NFYC: variants seen among roughly 807,000 people sequenced by gnomAD.
NFYC encodes the protein nuclear transcription factor Y subunit gamma, also known as CAAT box DNA-binding protein subunit C.
NFYC carries 25 observed loss-of-function variants against 53.1 expected under a neutral mutation model. The ratio of observed to expected loss-of-function variants is 0.47; its 90% confidence interval spans 0.34 to 0.66. The LOEUF (loss-of-function observed/expected upper bound fraction) is 0.66, where lower values mean the gene tolerates loss of function less well. NFYC is among the 30% of genes least tolerant of loss of function. NFYC has a pLI of 0.01. For synonymous variants in NFYC, 145 were observed against 152.6 expected (o/e 0.95, Z 0.37); for missense variants, 260 against 422.7 (o/e 0.62, Z 3.38).
intron 1 of NFYC, among the ~76,000 whole-genome samples, chr1:40,715,680 A>G (rs566033352): frequency 6.8e-6 from 1 of 147,230 alleles, no homozygotes; most frequent in Non-Finnish European, 1.5e-5. Flanking sequence ...CCGCTGTTCA[A>G]TAATTGACCA....
At chr1:40,764,574 C>G (rs1416227195) in intron 7 of NFYC, among the ~76,000 whole-genome samples, 2 of 152,200 alleles carry the variant, frequency 1.3e-5, no homozygotes, top group African/African-American at 4.8e-5. Context: ...TACTTTAACT[C>G]TCTGGGGCAC....
intron 7 of NFYC, among the ~76,000 whole-genome samples, chr1:40,763,850 C>G (rs1405913992): frequency 1.3e-5 from 2 of 152,192 alleles, no homozygotes; most frequent in Non-Finnish European, 2.9e-5. Flanking sequence ...ACTACCCATG[C>G]CAAGGCCCAA....
At chr1:40,744,171 G>A (rs1330531564) in intron 2 of NFYC, among the ~76,000 whole-genome samples, 1 of 152,172 alleles carries the variant, frequency 6.6e-6, no homozygotes, top group East Asian at 1.9e-4. Flanking sequence ...TCAAAGGAAT[G>A]TGAACCCTAT....
rs557137471 is a variant in NFYC, at chr1:40,691,920, G to T, written c.-9+53G>T. ...CGAGGGTGATAGGGAAGCGGCGGCG[G>T]GGGGAGGGGCAGCGCTTCCCGCCTT... On this transcript the variant is annotated intron_variant, in intron 1 of 9. Coordinates refer to ENST00000447388, the MANE Select transcript of NFYC (RefSeq NM_014223.5). The T allele has an allele frequency of 4.0e-3, 1,362 of 343,524 alleles. 10 individuals carry two copies. The highest frequency in any genetic ancestry group is 0.021 in the African/African-American group (936 of 44,574). 21.3% of individuals were successfully genotyped at this position (343,524 alleles called of 1,614,324 possible).
At chr1:40,711,766 T>A (rs1318825248) in intron 1 of NFYC, among the ~76,000 whole-genome samples, 1 of 152,194 alleles carries the variant, frequency 6.6e-6, no homozygotes, top group Non-Finnish European at 1.5e-5. Context: ...GAGAGCTAAC[T>A]CTAATTTAGG....
chr1:40,768,638 G>A (rs1231984511), intron 8 of NFYC: 2 of 152,272 alleles, frequency 1.3e-5, no homozygotes, highest in African/African-American at 2.4e-5. Flanking sequence ...GCTCCCAGCA[G>A]TTGTCATTAT....
chr1:40,761,065 C>T (rs1646519916), intron 6 of NFYC, among the ~76,000 whole-genome samples: 1 of 152,198 alleles, frequency 6.6e-6, no homozygotes, highest in African/African-American at 2.4e-5. Flanking sequence ...CAGGGCACAC[C>T]ATACATGATT....
chr1:40,704,022 G>A (rs530908165), intron 1 of NFYC, among the ~76,000 whole-genome samples: 2 of 151,940 alleles, frequency 1.3e-5, no homozygotes, highest in Admixed American at 6.6e-5. Flanking sequence ...TTCTTTGAGA[G>A]TATTAAAGCT....
chr1:40,698,282 G>A (rs899150959), intron 1 of NFYC, among the ~76,000 whole-genome samples: 1 of 151,020 alleles, frequency 6.6e-6, no homozygotes, highest in African/African-American at 2.4e-5. Context: ...AGAATCGCTC[G>A]AACCCAGAGG....
chr1:40,711,991 C>G (rs1256486269), intron 1 of NFYC, among the ~76,000 whole-genome samples: 1 of 152,106 alleles, frequency 6.6e-6, no homozygotes, highest in Non-Finnish European at 1.5e-5. Context: ...AAAAATGGAA[C>G]CTAAAAATAG....
intron 1 of NFYC, among the ~76,000 whole-genome samples, chr1:40,706,114 C>T (rs977441942): frequency 2.0e-5 from 3 of 151,694 alleles, no homozygotes; most frequent in African/African-American, 4.8e-5. Context: ...ATATATGGCA[C>T]CTAAGAATTT....
chr1:40,738,896 G>T lies in NFYC; in HGVS notation c.53G>T (p.Ser18Ile). 6.2e-7 allele frequency: 1 copy of T among 1,614,190 alleles called. No homozygotes were observed. The highest frequency in any genetic ancestry group is 8.5e-7 in the Non-Finnish European group (1 of 1,180,010). ...GGTSSSDAQQ[S>I]LQSFWPRVME... is the part of the protein sequence containing the mutation. ...ACTAGCAGCAGTGATGCCCAGCAAA[G>T]CCTACAGTCGTTCTGGCCTCGGGTC... The change falls in exon 2 of 10, where the codon AGC becomes ATC. Residue 18 changes from serine to isoleucine, a missense_variant. Physicochemically the swap from Ser to Ile is moderately radical, Grantham distance 142. Transcript: ENST00000447388.
At chr1:40,700,386 C>T (rs548938826) in intron 1 of NFYC, among the ~76,000 whole-genome samples, 1 of 152,196 alleles carries the variant, frequency 6.6e-6, no homozygotes, top group South Asian at 2.1e-4. Context: ...TTCTTGCCCA[C>T]GCTGGAGTGA....
chr1:40,740,424 A>G (rs1557841757), intron 2 of NFYC, among the ~76,000 whole-genome samples: 1 of 149,270 alleles, frequency 6.7e-6, no homozygotes. Context: ...AAATGAAATA[A>G]CTTATTATGA....
chr1:40,725,613 C>G (rs1468002369), intron 1 of NFYC, among the ~76,000 whole-genome samples: 1 of 152,182 alleles, frequency 6.6e-6, no homozygotes. Context: ...AATCCTACCC[C>G]CCTTTCCCTC....
chr1:40,769,373 CCAGCAAGGA>C lies in NFYC; in HGVS notation c.852_860del (p.Gly285_Gln287del). 6 of 1,614,056 alleles carry C rather than the reference CCAGCAAGGA, an allele frequency of 3.7e-6. No homozygotes were observed. The highest frequency in any genetic ancestry group is 4.2e-6 in the Non-Finnish European group (5 of 1,180,002). The stretch of plus-strand genomic sequence containing the variant: ...TCTTACAGATTACACAGACAGAGGT[CCAGCAAGGA>C]CAGCAGCAGTTCAGCCAGTTCACAG... On this transcript the variant is annotated inframe_deletion, in exon 9 of 10. Transcript: ENST00000447388.
At chr1:40,767,053 G>A in intron 8 of NFYC, 1 of 1,398,498 alleles carries the variant, frequency 7.2e-7, no homozygotes, top group Admixed American at 2.0e-5. Flanking sequence ...AAACCCAAGT[G>A]GCTGTTGTGT....
At chr1:40,722,068 G>A (rs946311688) in intron 1 of NFYC, among the ~76,000 whole-genome samples, 2 of 152,106 alleles carry the variant, frequency 1.3e-5, no homozygotes, top group Non-Finnish European at 2.9e-5. Context: ...CTACTTGGGA[G>A]GCTGAGGCAG....
At chr1:40,735,366 A>G (rs1205869879) in intron 1 of NFYC, 5 of 153,276 alleles carry the variant, frequency 3.3e-5, no homozygotes, top group Non-Finnish European at 7.2e-5. Context: ...TTTGTACCTA[A>G]CTTCCACTAC....
Sources: allele counts gnomAD v4.1 joint callset (sites outside exome capture counted in the v4.1 genomes callset), GRCh38; gene constraint gnomAD v4.1.1; transcripts MANE v1.5; gene names NCBI Gene and HGNC (gene_info 2026-07-23, HGNC 2026-07-21).